The following THRB variants were observed in gnomAD, a reference collection of about 807,000 sequenced individuals.
THRB encodes nuclear receptor subfamily 1 group A member 2.
A neutral mutation model predicts 47.8 loss-of-function variants in THRB; 12 were observed. That is an observed-to-expected ratio of 0.25 (90% confidence interval 0.16 to 0.41). The LOEUF (loss-of-function observed/expected upper bound fraction) is 0.41, where lower values mean the gene tolerates loss of function less well. THRB is among the 10% of genes least tolerant of loss of function. THRB has a pLI of 1.00. For synonymous variants in THRB, 218 were observed against 212.2 expected (o/e 1.03, Z -0.24); for missense variants, 348 against 589.2 (o/e 0.59, Z 4.24).
intron 3 of THRB, among the ~76,000 whole-genome samples, chr3:24,259,368 T>G (rs1453956978): frequency 2.6e-5 from 4 of 152,082 alleles, no homozygotes; most frequent in Non-Finnish European, 5.9e-5. Flanking sequence ...AGCAAAAACG[T>G]TCATGCAAAA....
At chr3:24,488,388 T>G (rs1031245254) in intron 1 of THRB, among the ~76,000 whole-genome samples, 1 of 152,206 alleles carries the variant, frequency 6.6e-6, no homozygotes, top group Admixed American at 6.5e-5. Context: ...TTGAGGTGTT[T>G]GTGCATGTGT....
At chr3:24,280,162 CAGA>C (rs1553689614) in intron 3 of THRB, among the ~76,000 whole-genome samples, 1 of 152,090 alleles carries the variant, frequency 6.6e-6, no homozygotes, top group Non-Finnish European at 1.5e-5. Flanking sequence ...CTGAGCGACG[CAGA>C]AGATGGGTGA....
At chr3:24,261,284 C>T (rs566572624) in intron 3 of THRB, among the ~76,000 whole-genome samples, 8 of 152,134 alleles carry the variant, frequency 5.3e-5, no homozygotes, top group Middle Eastern at 3.4e-3. Flanking sequence ...GGGCAGATCA[C>T]GAGGGCAAGA....
chr3:24,466,527 T>C (rs1329900486), intron 1 of THRB, among the ~76,000 whole-genome samples: 1 of 152,122 alleles, frequency 6.6e-6, no homozygotes, highest in African/African-American at 2.4e-5. Flanking sequence ...ATGCACACAT[T>C]TATCTAATTC....
intron 1 of THRB, among the ~76,000 whole-genome samples, chr3:24,392,607 T>C (rs571185075): frequency 1.3e-5 from 2 of 152,246 alleles, no homozygotes; most frequent in South Asian, 2.1e-4. Context: ...TTTTCTCCCA[T>C]GATAAAGCCA....
At chr3:24,450,571 A>G (rs1322395797) in intron 1 of THRB, among the ~76,000 whole-genome samples, 2 of 152,234 alleles carry the variant, frequency 1.3e-5, no homozygotes, top group African/African-American at 4.8e-5. Flanking sequence ...AATTCATGAC[A>G]ACCTTTGTAC....
chr3:24,286,202 A>G (rs2150917627), intron 3 of THRB, among the ~76,000 whole-genome samples: 1 of 152,326 alleles, frequency 6.6e-6, no homozygotes, highest in South Asian at 2.1e-4. Flanking sequence ...GTGTATAAGC[A>G]ACCTAATCTA....
At chr3:24,281,643 A>G (rs150897203) in intron 3 of THRB, among the ~76,000 whole-genome samples, 8,716 of 51,544 alleles carry the variant, frequency 0.17, 2,493 homozygotes, top group African/African-American at 0.39. Flanking sequence ...GACTGGCGAA[A>G]TGGATAAAGA....
chr3:24,190,054 GC>G lies in THRB; in HGVS notation c.283+19del. On this transcript the variant is annotated intron_variant, in intron 5 of 10. Transcript: ENST00000646209. The stretch of plus-strand genomic sequence containing the variant: ...TTCTTGTTGAAACACATGATAATGG[GC>G]TAATAAAAATCTGGTTACCTTTACA... 1.2e-6 allele frequency: 2 copies of G among 1,612,772 alleles called. No individual in the cohort carries two copies. Among genetic ancestry groups the G allele is most frequent in the Non-Finnish European group, 1.7e-6 (2 of 1,178,828 alleles).
At chr3:24,451,831 T>G (rs1355087348) in intron 1 of THRB, among the ~76,000 whole-genome samples, 4 of 152,204 alleles carry the variant, frequency 2.6e-5, no homozygotes, top group Non-Finnish European at 4.4e-5. Context: ...TATTTTACTT[T>G]GTGTTTGCTC....
chr3:24,390,274 A>G (rs2149962832), intron 1 of THRB, among the ~76,000 whole-genome samples: 1 of 152,290 alleles, frequency 6.6e-6, no homozygotes, highest in East Asian at 1.9e-4. Context: ...CCCACTCTCC[A>G]GCTGAAACAC....
intron 9 of THRB, among the ~76,000 whole-genome samples, chr3:24,132,256 T>A (rs1022072079): frequency 3.3e-5 from 5 of 152,182 alleles, no homozygotes; most frequent in Admixed American, 1.3e-4. Context: ...ATTTGGTATC[T>A]TTCTGGGTCC....
intron 2 of THRB, among the ~76,000 whole-genome samples, chr3:24,312,353 G>T (rs1559899291): frequency 6.6e-6 from 1 of 152,108 alleles, no homozygotes; most frequent in East Asian, 1.9e-4. Flanking sequence ...CATCATCATA[G>T]CTCTTGTACC....
chr3:24,471,455 C>T (rs2074563814), intron 1 of THRB, among the ~76,000 whole-genome samples: 2 of 152,200 alleles, frequency 1.3e-5, no homozygotes, highest in African/African-American at 4.8e-5. Flanking sequence ...AGAATTTGGG[C>T]CTCCAACATA....
At chr3:24,245,274 G>C (rs1474131496) in intron 3 of THRB, among the ~76,000 whole-genome samples, 4 of 152,074 alleles carry the variant, frequency 2.6e-5, no homozygotes, top group African/African-American at 9.7e-5. Flanking sequence ...GGAAGAGTTA[G>C]ACTGCCAACC....
intron 6 of THRB, 21 bp downstream of exon 6, chr3:24,152,369 T>C (rs773440704): frequency 8.9e-6 from 13 of 1,458,822 alleles, no homozygotes; most frequent in Non-Finnish European, 1.2e-5. Context: ...AGCTCTGTGC[T>C]TGTGGACCCA....
rs190844645 is a variant in THRB at position 24,349,316 on chromosome 3, A to G, written c.-260-11945T>C. Reference sequence around the variant, plus strand: ...ATACAGTAATCCCTATCAAAATCTCATAAGTCTTGGGTTTTTTTTTCTGGT... The same window carrying G: ...ATACAGTAATCCCTATCAAAATCTCGTAAGTCTTGGGTTTTTTTTTCTGGT... On this transcript the variant is annotated intron_variant, in intron 1 of 10. Transcript: ENST00000646209. Among the ~76,000 whole-genome samples, 727 of 152,144 alleles carry G rather than the reference A, an allele frequency of 4.8e-3. 5 individuals are homozygous for G. The highest frequency in any genetic ancestry group is 0.016 in the African/African-American group (678 of 41,530).
rs547914830 is a variant in THRB, at chr3:24,202,366, A to ACAC, written c.23-12033_23-12032insGTG. On this transcript the variant is annotated intron_variant, in intron 4 of 10. Transcript: ENST00000646209. ...GATATTTGAACCCTACACCTCAAATACTAAGAGCTGTTTTTGTAATTAAGA... is the reference window on the plus strand; with the variant it reads ...GATATTTGAACCCTACACCTCAAATACACCTAAGAGCTGTTTTTGTAATTAAGA... 1.6e-4 allele frequency among the ~76,000 whole-genome samples: 24 copies of ACAC among 152,332 alleles called. 1 individual carries two copies. The East Asian group carries it at 4.4e-3, about 28-fold the overall frequency.
chr3:24,295,782 AC>A (rs1287650215), intron 3 of THRB, among the ~76,000 whole-genome samples: 3 of 152,152 alleles, frequency 2.0e-5, no homozygotes, highest in Non-Finnish European at 4.4e-5. Flanking sequence ...TGGGTCAGTC[AC>A]TGAACTTCTC....
Sources: allele counts gnomAD v4.1 joint callset (sites outside exome capture counted in the v4.1 genomes callset), GRCh38; gene constraint gnomAD v4.1.1; transcripts MANE v1.5; gene names NCBI Gene and HGNC (gene_info 2026-07-23, HGNC 2026-07-21).